NT5DC1: variants seen among roughly 807,000 people sequenced by gnomAD.
The protein encoded by NT5DC1 is 5'-nucleotidase domain-containing protein 1.
A neutral mutation model predicts 59.4 loss-of-function variants in NT5DC1; 42 were observed. The ratio of observed to expected loss-of-function variants is 0.71; its 90% CI spans 0.55 to 0.92. The LOEUF (loss-of-function observed/expected upper bound fraction) is 0.92, where lower values mean the gene tolerates loss of function less well. NT5DC1 is among the 40% of genes least tolerant of loss of function. The pLI, the probability that NT5DC1 is intolerant of heterozygous loss-of-function variation, is 0.00. For missense variants in NT5DC1, 501 were observed against 537.1 expected, an observed-to-expected ratio of 0.93 and a Z score of 0.66; for synonymous variants, 172 against 188.1, an observed-to-expected ratio of 0.91 and a Z score of 0.70.
chr6:116,116,123 C>T (rs1351587311), intron 5 of NT5DC1, among the ~76,000 whole-genome samples: 2 of 151,942 alleles, frequency 1.3e-5, no homozygotes, highest in Admixed American at 6.6e-5. Context: ...GAAAATTCAG[C>T]GTGTCTTTAA....
intron 6 of NT5DC1, among the ~76,000 whole-genome samples, chr6:116,130,739 C>T (rs1779438470): frequency 6.6e-6 from 1 of 151,986 alleles, no homozygotes; most frequent in South Asian, 2.1e-4. Flanking sequence ...ACTTAATGAC[C>T]TCAATCTTGT....
In NT5DC1 at chr6:116,246,350, A is replaced by G. The variant is rs914104909; in HGVS notation, c.*2326A>G. ...CTGGTATTTGGAATACTGAGGTAGTAAAAACTTTATCTGAACCATGAATTA... is the reference window on the plus strand; with the variant it reads ...CTGGTATTTGGAATACTGAGGTAGTGAAAACTTTATCTGAACCATGAATTA... On this transcript the variant is annotated 3_prime_UTR_variant, in exon 12 of 12. Transcript: ENST00000319550. The G allele has an allele frequency of 6.6e-6, 1 of 152,074 alleles. No homozygotes were observed. The highest frequency in any genetic ancestry group is 1.5e-5 in the Non-Finnish European group (1 of 67,970). 9.4% of individuals were successfully genotyped at this position (152,074 alleles called of 1,614,324 possible).
intron 6 of NT5DC1, among the ~76,000 whole-genome samples, chr6:116,131,919 T>A (rs1779476922): frequency 6.6e-6 from 1 of 152,172 alleles, no homozygotes; most frequent in Non-Finnish European, 1.5e-5. Flanking sequence ...AGTGAGAACA[T>A]GCAGTATTTG....
Position 116,229,283 on chromosome 6 carries a change from C to T in NT5DC1, c.802+6152C>T, listed in dbSNP as rs117371907. On this transcript the variant is annotated intron_variant, in intron 8 of 11. Transcript: ENST00000319550. ...TCTCAGGTTTGTCCTCACTACATTC[C>T]CACCACTGCCCGCATCATCCCTTGT... Among the ~76,000 whole-genome samples the T allele has an allele frequency of 6.7e-4, 102 of 152,308 alleles. 2 individuals carry two copies. In the East Asian group the frequency reaches 0.019, roughly 28 times the overall value.
intron 5 of NT5DC1, among the ~76,000 whole-genome samples, chr6:116,117,409 G>C (rs1015451168): frequency 9.9e-5 from 15 of 152,114 alleles, no homozygotes; most frequent in African/African-American, 3.6e-4. Context: ...ACTTATATCA[G>C]AATATAGTAA....
rs1466426174 is a variant in NT5DC1, at chr6:116,121,570, A to G, written c.529+3625A>G. The G allele has an allele frequency of 6.2e-7, 1 of 1,613,808 alleles. No homozygotes were observed. ...TTTCCCCTTTCTGTCCATTCATACC[A>G]GGGACTCCTGGTGCACCCTTTTCTC... On this transcript the variant is annotated intron_variant, in intron 6 of 11. Transcript: ENST00000319550.
chr6:116,191,975 G>C (rs1315302097), intron 6 of NT5DC1, among the ~76,000 whole-genome samples: 2 of 152,040 alleles, frequency 1.3e-5, no homozygotes, highest in Non-Finnish European at 2.9e-5. Context: ...AGATGAGGTA[G>C]AAATTACGAG....
chr6:116,131,521 A>G (rs1232812173), intron 6 of NT5DC1, among the ~76,000 whole-genome samples: 1 of 152,156 alleles, frequency 6.6e-6, no homozygotes, highest in Non-Finnish European at 1.5e-5. Context: ...AACAGTTTAT[A>G]TTGGAGATCA....
chr6:116,129,150 C>T (rs2082706518), intron 6 of NT5DC1, among the ~76,000 whole-genome samples: 8 of 152,116 alleles, frequency 5.3e-5, no homozygotes, highest in South Asian at 4.2e-4. Flanking sequence ...ATGTCATCAT[C>T]GTATTAAAAA....
intron 6 of NT5DC1, among the ~76,000 whole-genome samples, chr6:116,181,463 C>G (rs1780871388): frequency 6.6e-6 from 1 of 151,982 alleles, no homozygotes; most frequent in Non-Finnish European, 1.5e-5. Context: ...AGCATCTGTT[C>G]ATAATAAAAA....
Position 116,127,016 on chromosome 6 carries a change from T to A in NT5DC1, c.529+9071T>A, listed in dbSNP as rs769352398. Among the ~76,000 whole-genome samples the A allele has an allele frequency of 1.0e-3, 159 of 152,278 alleles. 1 individual carries two copies. The highest frequency in any genetic ancestry group is 3.4e-3 in the Middle Eastern group (1 of 294). On this transcript the variant is annotated intron_variant, in intron 6 of 11. Transcript: ENST00000319550. ...TCAGTTTTTAGGATCCTAAAAAATC[T>A]AATAAAGGTGGGAAGTTGAGAGTCC...
chr6:116,246,205 A>T lies in NT5DC1; in HGVS notation c.*2181A>T, dbSNP rs1771843698. On this transcript the variant is annotated 3_prime_UTR_variant, in exon 12 of 12. Transcript: ENST00000319550. Reference sequence around the variant, plus strand: ...TATTCGCATACAGGCAAACATTCATAATCTAAAGGACACCTAAAAATAGAT... The same window carrying T: ...TATTCGCATACAGGCAAACATTCATTATCTAAAGGACACCTAAAAATAGAT... 6.6e-6 allele frequency: 1 copy of T among 152,282 alleles called. No individual in the cohort carries two copies. Among genetic ancestry groups the T allele is most frequent in the African/African-American group, 2.4e-5 (1 of 41,580 alleles). 9.4% of individuals were successfully genotyped at this position (152,282 alleles called of 1,614,324 possible).
Position 116,117,715 on chromosome 6 carries a change from A to G in NT5DC1, c.445-146A>G, listed in dbSNP as rs530831232. The G allele has an allele frequency of 1.8e-5, 10 of 568,520 alleles. 1 individual carries two copies. Among genetic ancestry groups the G allele is most frequent in the Admixed American group, 1.4e-4 (4 of 28,986 alleles). 35.2% of individuals were successfully genotyped at this position (568,520 alleles called of 1,614,324 possible). The stretch of plus-strand genomic sequence containing the variant: ...GTTAAGTTTCTACTGAATCTTCATC[A>G]CTTTTGTACCATTATAAAATAAAAA... On this transcript the variant is annotated intron_variant, in intron 5 of 11. Coordinates refer to ENST00000319550, the MANE Select transcript of NT5DC1 (RefSeq NM_152729.3).
chr6:116,194,071 T>C (rs1781178589), intron 6 of NT5DC1, among the ~76,000 whole-genome samples: 1 of 151,760 alleles, frequency 6.6e-6, no homozygotes, highest in African/African-American at 2.4e-5. Context: ...CAAAAGAATA[T>C]TTGGTCAACA....
At chr6:116,192,788 C>A (rs777380231) in intron 6 of NT5DC1, among the ~76,000 whole-genome samples, 1 of 151,980 alleles carries the variant, frequency 6.6e-6, no homozygotes, top group East Asian at 1.9e-4. Flanking sequence ...TCCTCTATTA[C>A]GATTTCCTCC....
chr6:116,210,135 A>G (rs1781546087), intron 6 of NT5DC1, among the ~76,000 whole-genome samples: 1 of 151,994 alleles, frequency 6.6e-6, no homozygotes. Context: ...ATATTGATGG[A>G]TACTTTTTTC....
In NT5DC1 at chr6:116,249,494, C is replaced by G. The variant is rs565370261; in HGVS notation, c.*5470C>G. On this transcript the variant is annotated 3_prime_UTR_variant, in exon 12 of 12. Coordinates refer to ENST00000319550, the MANE Select transcript of NT5DC1 (RefSeq NM_152729.3). ...TTACCGGTAATTAAAGTTGTGATACCTGATATCATTTGTCTCTAGACATTT... is the reference window on the plus strand; with the variant it reads ...TTACCGGTAATTAAAGTTGTGATACGTGATATCATTTGTCTCTAGACATTT... 60 of 152,264 alleles carry G rather than the reference C, an allele frequency of 3.9e-4. No individual in the cohort carries two copies. Among genetic ancestry groups the G allele is most frequent in the African/African-American group, 1.4e-3 (59 of 41,550 alleles). The allele number at this position is 152,264 out of a possible 1,614,324, so 9.4% of individuals were successfully genotyped here. A position where few individuals can be genotyped will look rare whatever the true frequency, so the allele number is the denominator to read the frequency against.
At chr6:116,235,527 TGTA>T (rs1782099135) in intron 8 of NT5DC1, among the ~76,000 whole-genome samples, 1 of 152,250 alleles carries the variant, frequency 6.6e-6, no homozygotes, top group Admixed American at 6.5e-5. Context: ...TATCTATAAA[TGTA>T]GTTTTAGAAT....
chr6:116,210,443 AT>A (rs1467995610), intron 6 of NT5DC1, among the ~76,000 whole-genome samples: 2 of 151,744 alleles, frequency 1.3e-5, no homozygotes, highest in Non-Finnish European at 2.9e-5. Context: ...ACTGGGCAGT[AT>A]TGCACAAGCT....
Sources: allele counts gnomAD v4.1 joint callset (sites outside exome capture counted in the v4.1 genomes callset), GRCh38; gene constraint gnomAD v4.1.1; transcripts MANE v1.5; gene names NCBI Gene and HGNC (gene_info 2026-07-23, HGNC 2026-07-21).